The following CLNK variants were observed in gnomAD, a reference collection of about 807,000 sequenced individuals.
The protein encoded by CLNK is cytokine-dependent hematopoietic cell linker.
Under a neutral mutation model 68.6 loss-of-function variants are expected in CLNK, and 74 were observed. That is an observed-to-expected ratio of 1.08 (90% CI 0.89 to 1.31). CLNK has a LOEUF of 1.31. Ranked by LOEUF, CLNK falls within the 50% of genes most tolerant of loss-of-function variation. The pLI is 0.00. For synonymous variants in CLNK, 198 were observed against 172.2 expected (o/e 1.15, Z -1.17); for missense variants, 553 against 515.3 (o/e 1.07, Z -0.71).
chr4:10,651,424 C>T (rs543517209), intron 2 of CLNK, among the ~76,000 whole-genome samples: 1 of 152,294 alleles, frequency 6.6e-6, no homozygotes, highest in East Asian at 1.9e-4. Flanking sequence ...TGGAAACAAA[C>T]ATTCACAGCA....
At chr4:10,571,458 G>C (rs61795105) in intron 5 of CLNK, among the ~76,000 whole-genome samples, 1 of 150,378 alleles carries the variant, frequency 6.6e-6, no homozygotes, top group Non-Finnish European at 1.5e-5. Flanking sequence ...CCTCAGCCTC[G>C]TGAGTAGCTG....
intron 14 of CLNK, among the ~76,000 whole-genome samples, chr4:10,521,583 G>T (rs1718069259): frequency 6.6e-6 from 1 of 152,174 alleles, no homozygotes; most frequent in African/African-American, 2.4e-5. Flanking sequence ...AATGAAACCT[G>T]ATCCATTTCT....
the CLNK span, among the ~76,000 whole-genome samples, chr4:10,733,844 C>T: frequency 6.6e-6 from 1 of 152,214 alleles, no homozygotes; most frequent in African/African-American, 2.4e-5. Context: ...GTTCCAGCCC[C>T]AGAGAGTTGA....
chr4:10,542,720 A>G (rs1454225825), intron 8 of CLNK, among the ~76,000 whole-genome samples: 1 of 150,432 alleles, frequency 6.6e-6, no homozygotes, highest in African/African-American at 2.5e-5. Flanking sequence ...CCTGCCTACC[A>G]CCTTCATGGG....
chr4:10,577,181 A>G (rs772095879), intron 4 of CLNK, among the ~76,000 whole-genome samples: 7 of 152,196 alleles, frequency 4.6e-5, no homozygotes, highest in Non-Finnish European at 1.0e-4. Flanking sequence ...GACATTCTCA[A>G]GCCAGACAGG....
chr4:10,639,408 C>T (rs1425823780), intron 2 of CLNK, among the ~76,000 whole-genome samples: 1 of 152,182 alleles, frequency 6.6e-6, no homozygotes, highest in Non-Finnish European at 1.5e-5. Context: ...TGCATATGTC[C>T]TGCTGGGCTG....
At chr4:10,699,266 C>CACACACACACACCATGTATGTGTGTAT in the CLNK span, among the ~76,000 whole-genome samples, 2 of 66,014 alleles carry the variant, frequency 3.0e-5, no homozygotes, top group African/African-American at 1.4e-4. Flanking sequence ...TGTGTGTATA[C>CACACACACACACCATGTATGTGTGTAT]ACACACACAC....
chr4:10,583,269 C>T (rs1287049898), intron 4 of CLNK, among the ~76,000 whole-genome samples: 1 of 151,974 alleles, frequency 6.6e-6, no homozygotes, highest in African/African-American at 2.4e-5. Flanking sequence ...TTATTTCTTT[C>T]TCTCTCTCTC....
chr4:10,639,205 G>A (rs28595047), intron 2 of CLNK, among the ~76,000 whole-genome samples: 1 of 152,184 alleles, frequency 6.6e-6, no homozygotes, highest in African/African-American at 2.4e-5. Context: ...TTCTTGCACT[G>A]CTGAGTAAGG....
intron 8 of CLNK, among the ~76,000 whole-genome samples, chr4:10,550,323 C>T (rs556859268): frequency 3.4e-4 from 52 of 152,200 alleles, no homozygotes; most frequent in Admixed American, 3.9e-4. Context: ...GAAACCCTGT[C>T]TCTACTAAAA....
chr4:10,501,485 T>C, intron 17 of CLNK, 74 bp from the exon 18 acceptor site: 1 of 1,439,564 alleles, frequency 6.9e-7, no homozygotes, highest in Non-Finnish European at 9.5e-7. Context: ...GCAACAATGA[T>C]GTCTGCATGC....
At chr4:10,561,961 A>G (rs1308944154) in intron 7 of CLNK, among the ~76,000 whole-genome samples, 2 of 152,180 alleles carry the variant, frequency 1.3e-5, no homozygotes, top group African/African-American at 4.8e-5. Context: ...CAAAGGCACC[A>G]TGGTAGGTGT....
At chr4:10,702,771 T>C in the CLNK span, among the ~76,000 whole-genome samples, 1 of 152,194 alleles carries the variant, frequency 6.6e-6, no homozygotes, top group Non-Finnish European at 1.5e-5. Context: ...TTACCATTTA[T>C]GAAACACCTA....
chr4:10,692,697 T>G, the CLNK span, among the ~76,000 whole-genome samples: 1 of 152,192 alleles, frequency 6.6e-6, no homozygotes, highest in Admixed American at 6.5e-5. Flanking sequence ...AAATCTAACA[T>G]GTAGAATATT....
chr4:10,565,660 C>T (rs1370494772), intron 6 of CLNK, among the ~76,000 whole-genome samples: 2 of 152,130 alleles, frequency 1.3e-5, no homozygotes, highest in African/African-American at 4.8e-5. Flanking sequence ...GCTTGTCCAC[C>T]CTCCGTTATG....
chr4:10,532,931 A>C (rs1249425179), intron 11 of CLNK, among the ~76,000 whole-genome samples: 16 of 152,146 alleles, frequency 1.1e-4, no homozygotes, highest in Non-Finnish European at 5.9e-5. Flanking sequence ...AGTGCTCATG[A>C]GTGTTAATGT....
intron 4 of CLNK, among the ~76,000 whole-genome samples, chr4:10,572,974 G>A (rs544912375): frequency 6.6e-6 from 1 of 152,174 alleles, no homozygotes; most frequent in East Asian, 1.9e-4. Context: ...GATTACAGGA[G>A]CACACCACCA....
chr4:10,565,221 T>C (rs1720059351), intron 6 of CLNK, among the ~76,000 whole-genome samples: 1 of 152,362 alleles, frequency 6.6e-6, no homozygotes, highest in Admixed American at 6.5e-5. Flanking sequence ...TGTTTGTCTT[T>C]GTGTCCCCCA....
intron 14 of CLNK, 114 bp downstream of exon 14, chr4:10,525,727 G>T: frequency 1.6e-6 from 1 of 616,204 alleles, no homozygotes; most frequent in Non-Finnish European, 2.9e-6. Context: ...TCATTATTGG[G>T]CTTCAGAAAC....
Sources: gnomAD v4.1 joint callset for allele counts (sites outside exome capture counted in the v4.1 genomes callset) on GRCh38, gnomAD v4.1.1 for gene constraint, MANE v1.5 for transcripts, NCBI Gene and HGNC (gene_info 2026-07-23, HGNC 2026-07-21) for gene names.